Variants in APLP2 observed in about 807,000 individuals in gnomAD.
The protein encoded by APLP2 is CDEI box-binding protein.
APLP2 carries 53 observed loss-of-function variants against 89.9 expected under a neutral mutation model. The observed-to-expected ratio is 0.59, with a 90% CI of 0.47 to 0.74. The LOEUF is 0.74. Ranked by LOEUF, APLP2 falls within the 30% of genes least tolerant of loss-of-function variation. The pLI is 0.00. For missense variants in APLP2, 973 were observed against 975.9 expected (o/e 1.00, Z 0.04); for synonymous variants, 372 against 348.6 (o/e 1.07, Z -0.75).
At chr11:130,073,126 T>A (rs981843141) in intron 1 of APLP2, among the ~76,000 whole-genome samples, 1 of 152,242 alleles carries the variant, frequency 6.6e-6, no homozygotes, top group African/African-American at 2.4e-5. Flanking sequence ...CTATGAAAAT[T>A]TAGCTTCTGA....
At chr11:130,103,348 C>T (rs1407992187) in intron 1 of APLP2, among the ~76,000 whole-genome samples, 1 of 149,616 alleles carries the variant, frequency 6.7e-6, no homozygotes, top group East Asian at 1.9e-4. Context: ...TCTTTCTGAA[C>T]TCAAAAGTGA....
intron 7 of APLP2, among the ~76,000 whole-genome samples, chr11:130,125,149 T>C (rs1469066404): frequency 1.3e-5 from 2 of 152,212 alleles, no homozygotes; most frequent in Admixed American, 6.5e-5. Context: ...TTTGTTCTTC[T>C]TTGAAGGGGC....
At chr11:130,127,510 C>T (rs780356283) in intron 8 of APLP2, among the ~76,000 whole-genome samples, 5 of 152,078 alleles carry the variant, frequency 3.3e-5, no homozygotes. Flanking sequence ...GGTGAGGAGA[C>T]TAAGGCACAG....
At chr11:130,099,872 T>G (rs77040677) in intron 1 of APLP2, among the ~76,000 whole-genome samples, 2,743 of 152,308 alleles carry the variant, frequency 0.018, 74 homozygotes, top group African/African-American at 0.061. Context: ...ATGATGGTGA[T>G]GCTAACGTGC....
chr11:130,071,792 A>G (rs2135287407), intron 1 of APLP2, among the ~76,000 whole-genome samples: 1 of 152,332 alleles, frequency 6.6e-6, no homozygotes, highest in South Asian at 2.1e-4. Context: ...CATTTCTGAA[A>G]AATGGTTTTA....
At chr11:130,090,267 TTA>T (rs1389661332) in intron 1 of APLP2, among the ~76,000 whole-genome samples, 7,001 of 142,604 alleles carry the variant, frequency 0.049, 154 homozygotes, top group Non-Finnish European at 0.058. Context: ...TTTTTTTTTT[TTA>T]AATTTATTTT....
chr11:130,126,692 T>C lies in APLP2; in HGVS notation c.1091-8T>C. On this transcript the variant is annotated splice_region_variant and splice_polypyrimidine_tract_variant and intron_variant, in intron 7 of 16. Coordinates refer to ENST00000338167, the MANE Select transcript of APLP2 (RefSeq NM_001142276.2). ...CCAAAGAGAACTCCCTCTGTAATTT[T>C]GTTTCAGTTCCTCCAACTCCTCTGC... 6.2e-7 allele frequency: 1 copy of C among 1,613,602 alleles called. No individual in the cohort carries two copies.
chr11:130,110,403 G>A (rs1211962212), intron 2 of APLP2, 135 bp from the exon 3 acceptor site: 4 of 1,071,052 alleles, frequency 3.7e-6, no homozygotes, highest in Non-Finnish European at 5.4e-6. Flanking sequence ...TTAGAGCCAG[G>A]GATAATGGAG....
chr11:130,103,655 T>C (rs1001487460), intron 1 of APLP2, among the ~76,000 whole-genome samples: 7 of 152,222 alleles, frequency 4.6e-5, no homozygotes, highest in Non-Finnish European at 7.4e-5. Flanking sequence ...ACATAATCTT[T>C]GGTGCTGATA....
At chr11:130,129,437 G>C (rs111378005) in intron 10 of APLP2, among the ~76,000 whole-genome samples, 2,634 of 152,306 alleles carry the variant, frequency 0.017, 69 homozygotes, top group African/African-American at 0.06. Context: ...AGTGTTTTAC[G>C]CTGGAAAAGT....
rs1468621350 is a variant in APLP2 at position 130,069,968 on chromosome 11, C to G, written c.-10C>G. The G allele has an allele frequency of 2.0e-6, 3 of 1,501,058 alleles. No individual in the cohort carries two copies. The highest frequency in any genetic ancestry group is 4.2e-5 in the Admixed American group (2 of 48,178). 93.0% of individuals were successfully genotyped at this position (1,501,058 alleles called of 1,614,324 possible). On this transcript the variant is annotated 5_prime_UTR_variant, in exon 1 of 17. Coordinates refer to ENST00000338167, the MANE Select transcript of APLP2 (RefSeq NM_001142276.2). The stretch of plus-strand genomic sequence containing the variant: ...CTTGAGAGCCGCGCGCTAGAGCGAC[C>G]CGGCGAGGGATGGCGGCCACCGGGA...
chr11:130,140,073 A>C (rs1413502878), intron 13 of APLP2, among the ~76,000 whole-genome samples: 1 of 152,112 alleles, frequency 6.6e-6, no homozygotes, highest in African/African-American at 2.4e-5. Flanking sequence ...TGTATTTCCC[A>C]TGCTAGGATG....
intron 13 of APLP2, chr11:130,139,384 C>A (rs1952063608): frequency 6.6e-6 from 1 of 152,196 alleles, no homozygotes; most frequent in African/African-American, 2.4e-5. Context: ...TGAAGTCTCA[C>A]TTGCAGGTAG....
intron 1 of APLP2, among the ~76,000 whole-genome samples, chr11:130,096,951 G>T (rs1457631570): frequency 6.6e-6 from 1 of 152,164 alleles, no homozygotes; most frequent in East Asian, 1.9e-4. Context: ...TATTACTTCA[G>T]TTTTTTAAAT....
chr11:130,110,032 G>T (rs1361509845), intron 2 of APLP2, among the ~76,000 whole-genome samples: 1 of 152,230 alleles, frequency 6.6e-6, no homozygotes, highest in African/African-American at 2.4e-5. Context: ...TAGAGACAGG[G>T]TCTTGCTACA....
intron 1 of APLP2, among the ~76,000 whole-genome samples, chr11:130,103,649 A>T (rs192488224): frequency 2.6e-5 from 4 of 152,322 alleles, no homozygotes; most frequent in African/African-American, 9.6e-5. Flanking sequence ...TGTGGAACAT[A>T]ATCTTTGGTG....
chr11:130,104,206 C>CTT (rs59598831), intron 1 of APLP2, among the ~76,000 whole-genome samples: 787 of 77,014 alleles, frequency 0.01, 115 homozygotes, highest in African/African-American at 0.033. Flanking sequence ...TGGTACACAT[C>CTT]TTTTTTTTTT....
chr11:130,129,165 C>G lies in APLP2; in HGVS notation c.1414C>G (p.Leu472Val). 1 of 1,614,112 alleles carries G rather than the reference C, an allele frequency of 6.2e-7. No individual in the cohort carries two copies. Among genetic ancestry groups the G allele is most frequent in the African/African-American group, 1.3e-5 (1 of 75,054 alleles). Residue 472 changes from leucine to valine, a missense_variant, in exon 10 of 17, where the codon CTG (leucine) becomes GTG (valine). Physicochemically the swap from Leu to Val is conservative, Grantham distance 32. Coordinates refer to ENST00000338167, the MANE Select transcript of APLP2 (RefSeq NM_001142276.2). ...AMLNDRRRMA[L>V]ENYLAALQSD... ...GCTGAATGACCGCCGTCGGATGGCT[C>G]TGGAGAACTACCTGGCTGCCTTGCA... is the stretch of plus-strand genomic sequence containing the variant.
rs1450240010 is a variant in APLP2 at position 130,135,713 on chromosome 11, A to C, written c.1835A>C (p.Glu612Ala). The change falls in exon 13 of 17, where the codon GAA (glutamate) becomes GCA (alanine). Residue 612 changes from glutamate (E) to alanine (A), a missense_variant and splice_region_variant. Glu to Ala is a moderately radical substitution (Grantham distance 107). Transcript: ENST00000338167. ...FHPFPALPEN[E>A]GSGVGEQDGG... The stretch of plus-strand genomic sequence containing the variant: ...CCCTTCCCAGCCCTACCTGAGAACG[A>C]AGGTGTGTATGGGCGACGGTGCCAC... 6.2e-7 allele frequency: 1 copy of C among 1,614,004 alleles called. No homozygotes were observed. Among genetic ancestry groups the C allele is most frequent in the South Asian group, 1.1e-5 (1 of 91,074 alleles).
Sources: gnomAD v4.1 joint callset for allele counts (sites outside exome capture counted in the v4.1 genomes callset) on GRCh38, gnomAD v4.1.1 for gene constraint, MANE v1.5 for transcripts, NCBI Gene and HGNC (gene_info 2026-07-23, HGNC 2026-07-21) for gene names.